FOXP1: variants seen among roughly 807,000 people sequenced by gnomAD.
FOXP1 encodes forkhead box P1, also known as forkhead box protein P1.
A neutral mutation model predicts 98.2 loss-of-function variants in FOXP1; 15 were observed. That is an observed-to-expected ratio of 0.15 (90% CI 0.10 to 0.24). The LOEUF (loss-of-function observed/expected upper bound fraction) is 0.24. Among genes scored for constraint, FOXP1 ranks in the 10% least tolerant of loss-of-function variants. FOXP1 has a pLI of 1.00. For missense variants in FOXP1, 633 were observed against 848.5 expected, an observed-to-expected ratio of 0.75 and a Z score of 3.15; for synonymous variants, 371 against 314.5, an observed-to-expected ratio of 1.18 and a Z score of -1.90.
intron 3 of FOXP1, among the ~76,000 whole-genome samples, chr3:71,430,866 C>T (rs2084646977): frequency 6.6e-6 from 1 of 152,116 alleles, no homozygotes; most frequent in African/African-American, 2.4e-5. Flanking sequence ...GCAAGAATGG[C>T]CACAGGGGAA....
chr3:70,979,343 C>T lies in FOXP1; in HGVS notation c.1147-1314G>A, dbSNP rs150079809. ...AAAGAAAAAAATAAATTAATGAGCA[C>T]TGTTTCAATTTATCTTTCTTATCTT... On this transcript the variant is annotated intron_variant, in intron 14 of 20. Transcript: ENST00000649528. Among the ~76,000 whole-genome samples the T allele has an allele frequency of 2.6e-3, 343 of 131,172 alleles. 5 individuals carry two copies. Among genetic ancestry groups the T allele is most frequent in the African/African-American group, 9.4e-3 (314 of 33,434 alleles). 86.1% of individuals were successfully genotyped at this position (131,172 alleles called of 152,430 possible).
chr3:71,576,707 A>G (rs1440752476), intron 2 of FOXP1, among the ~76,000 whole-genome samples: 2 of 152,174 alleles, frequency 1.3e-5, no homozygotes, highest in African/African-American at 2.4e-5. Context: ...CTCTACCAAT[A>G]ACCTTAAATT....
At chr3:71,160,197 T>A (rs536142176) in intron 6 of FOXP1, among the ~76,000 whole-genome samples, 3 of 152,126 alleles carry the variant, frequency 2.0e-5, no homozygotes, top group African/African-American at 4.8e-5. Flanking sequence ...CTTTTTTTTT[T>A]CCCCAACTTG....
At chr3:71,282,435 G>A (rs1233168759) in intron 5 of FOXP1, among the ~76,000 whole-genome samples, 2 of 151,822 alleles carry the variant, frequency 1.3e-5, no homozygotes, top group Non-Finnish European at 2.9e-5. Context: ...ACCTCCTTGA[G>A]AACTTACTAC....
At chr3:71,451,813 G>T (rs1299854034) in intron 3 of FOXP1, among the ~76,000 whole-genome samples, 2 of 152,144 alleles carry the variant, frequency 1.3e-5, no homozygotes, top group East Asian at 3.8e-4. Context: ...AAAGCAAACT[G>T]GGTCTCATTT....
At chr3:71,319,715 G>C (rs2075285397) in intron 4 of FOXP1, among the ~76,000 whole-genome samples, 1 of 152,134 alleles carries the variant, frequency 6.6e-6, no homozygotes, top group Admixed American at 6.5e-5. Context: ...TCCATAGGCT[G>C]CATTTGGCAG....
intron 7 of FOXP1, among the ~76,000 whole-genome samples, chr3:71,110,768 C>T (rs1397772296): frequency 6.6e-6 from 1 of 152,206 alleles, no homozygotes; most frequent in Non-Finnish European, 1.5e-5. Context: ...AAGCTCACAG[C>T]TGAAAGGTCA....
intron 10 of FOXP1, among the ~76,000 whole-genome samples, chr3:71,045,337 C>G (rs2048874221): frequency 6.6e-6 from 1 of 152,170 alleles, no homozygotes; most frequent in Non-Finnish European, 1.5e-5. Context: ...ATGAGCTTGT[C>G]TTGTCACTGC....
chr3:71,354,854 T>C (rs2078046017), intron 4 of FOXP1, among the ~76,000 whole-genome samples: 1 of 152,198 alleles, frequency 6.6e-6, no homozygotes, highest in Non-Finnish European at 1.5e-5. Context: ...CTATTACCCC[T>C]GCCCCAGGCA....
rs532224407 is a variant in FOXP1 at position 71,400,093 on chromosome 3, G to A, written c.-167-40849C>T. On this transcript the variant is annotated intron_variant, in intron 3 of 20. Coordinates refer to ENST00000649528, the MANE Select transcript of FOXP1 (RefSeq NM_001349338.3). ...GTGACAAACTTTCATTTTTTACCTC[G>A]CACTTGGCAGTGTATGTTTTCCTGG... is the stretch of plus-strand genomic sequence containing the variant. Among the ~76,000 whole-genome samples the A allele has an allele frequency of 5.3e-4, 81 of 151,716 alleles. 3 individuals are homozygous for A. In the South Asian group the frequency reaches 0.012, roughly 23 times the overall value.
At chr3:71,250,008 G>A (rs901621123) in intron 5 of FOXP1, among the ~76,000 whole-genome samples, 10 of 152,288 alleles carry the variant, frequency 6.6e-5, no homozygotes, top group African/African-American at 2.4e-4. Context: ...TCTGTATAAA[G>A]AGAATTGCTT....
chr3:71,334,338 G>C (rs2076540662), intron 4 of FOXP1: 3 of 152,172 alleles, frequency 2.0e-5, no homozygotes, highest in Admixed American at 2.0e-4. Context: ...AACCTGGGAG[G>C]CACAGGTTGC....
At chr3:71,196,460 T>G (rs1365559134) in intron 6 of FOXP1, among the ~76,000 whole-genome samples, 6 of 152,056 alleles carry the variant, frequency 3.9e-5, no homozygotes, top group African/African-American at 1.2e-4. Flanking sequence ...TGAATGATTT[T>G]TAGCTCCTCA....
intron 7 of FOXP1, among the ~76,000 whole-genome samples, chr3:71,085,957 T>C (rs2055048914): frequency 6.6e-6 from 1 of 151,636 alleles, no homozygotes; most frequent in Non-Finnish European, 1.5e-5. Flanking sequence ...CTTGATCTCT[T>C]GACCTCGTGA....
intron 4 of FOXP1, among the ~76,000 whole-genome samples, chr3:71,325,213 C>T (rs990036439): frequency 6.6e-6 from 1 of 152,062 alleles, no homozygotes; most frequent in Non-Finnish European, 1.5e-5. Flanking sequence ...CCACCACACC[C>T]GGATAATTTT....
intron 3 of FOXP1, among the ~76,000 whole-genome samples, chr3:71,406,987 C>G (rs1283995966): frequency 6.6e-6 from 1 of 152,090 alleles, no homozygotes; most frequent in African/African-American, 2.4e-5. Flanking sequence ...TGCATTTCTC[C>G]CGCCACAACA....
chr3:71,476,844 G>A (rs1160361159), intron 3 of FOXP1, among the ~76,000 whole-genome samples: 1 of 151,908 alleles, frequency 6.6e-6, no homozygotes, highest in African/African-American at 2.4e-5. Flanking sequence ...CTTAAATTAT[G>A]TTTCCTGTCC....
At chr3:71,130,074 G>A (rs1192202426) in intron 6 of FOXP1, among the ~76,000 whole-genome samples, 1 of 152,118 alleles carries the variant, frequency 6.6e-6, no homozygotes, top group African/African-American at 2.4e-5. Flanking sequence ...CAAACATCAG[G>A]GGACAATTCT....
At chr3:71,191,050 A>G (rs563055897) in intron 6 of FOXP1, among the ~76,000 whole-genome samples, 10 of 152,284 alleles carry the variant, frequency 6.6e-5, no homozygotes, top group African/African-American at 2.4e-4. Context: ...TCACCTTGTA[A>G]CCCTTTTTAT....
Sources: gnomAD v4.1 joint callset for allele counts (sites outside exome capture counted in the v4.1 genomes callset) on GRCh38, gnomAD v4.1.1 for gene constraint, MANE v1.5 for transcripts, NCBI Gene and HGNC (gene_info 2026-07-23, HGNC 2026-07-21) for gene names.